The following DHX38 variants were observed in gnomAD, a reference collection of about 807,000 sequenced individuals.
DHX38 encodes the protein DEAH-box helicase 38.
A neutral mutation model predicts 153.1 loss-of-function variants in DHX38; 100 were observed. The ratio of observed to expected loss-of-function variants is 0.65; its 90% CI spans 0.56 to 0.77. DHX38 has a LOEUF of 0.77. Among genes scored for constraint, DHX38 ranks in the 30% least tolerant of loss-of-function variants. The probability of loss-of-function intolerance (pLI) is 0.00; values close to 1 mark genes in which losing one functional copy is unlikely to be tolerated. For missense variants in DHX38, 1,440 were observed against 1,654.0 expected, an observed-to-expected ratio of 0.87 and a Z score of 2.24; for synonymous variants, 650 against 631.7, an observed-to-expected ratio of 1.03 and a Z score of -0.43.
Position 72,098,772 on chromosome 16 carries a change from G to C in DHX38, c.744G>C (p.Leu248=). 3 of 1,614,184 alleles carry C rather than the reference G, an allele frequency of 1.9e-6. No individual in the cohort carries two copies. Among genetic ancestry groups the C allele is most frequent in the South Asian group, 1.1e-5 (1 of 91,082 alleles). Residue 248 remains leucine (L), a synonymous_variant, in exon 5 of 27, where the codon CTG becomes CTC. Transcript: ENST00000268482. ...SYRDSERSHR[L]STRDRDRSVR... is the part of the protein sequence containing the mutation. ...GGGATTCTGAGCGGAGCCATCGGCTGTCCACTCGAGATCGAGACAGGTGAT... is the reference window on the plus strand; with the variant it reads ...GGGATTCTGAGCGGAGCCATCGGCTCTCCACTCGAGATCGAGACAGGTGAT...
rs373264434 is a variant in DHX38 at position 72,103,931 on chromosome 16, C to T, written c.1825-15C>T. The T allele has an allele frequency of 2.0e-5, 32 of 1,612,246 alleles. No homozygotes were observed. The African/African-American group carries it at 4.1e-4, about 21-fold the overall frequency. Reference sequence around the variant, plus strand: ...CCGGTGGCCAGGGCATCTGAGCCATCTCTCTGACCTCCAGGTGGGCTATGC... The same window carrying T: ...CCGGTGGCCAGGGCATCTGAGCCATTTCTCTGACCTCCAGGTGGGCTATGC... On this transcript the variant is annotated splice_polypyrimidine_tract_variant and intron_variant, in intron 13 of 26. Transcript: ENST00000268482.
Position 72,103,178 on chromosome 16 carries a change from T to C in DHX38, c.1604T>C (p.Phe535Ser). 1 of 1,614,168 alleles carries C rather than the reference T, an allele frequency of 6.2e-7. No individual in the cohort carries two copies. Among genetic ancestry groups the C allele is most frequent in the African/African-American group, 1.3e-5 (1 of 75,036 alleles). The change falls in exon 12 of 27, where the codon TTT becomes TCT. Residue 535 changes from phenylalanine (F) to serine (S), a missense_variant. This residue lies in a region of DHX38 where 241 missense variants were observed against 229.5 expected (regional missense o/e 1.05). Transcript: ENST00000268482. Reference sequence around the variant, plus strand: ...GAGCAGAGGCAGTACCTGCCCATCTTTGCAGTGCAGCAGGAGCTGCTCACT... The same window carrying C: ...GAGCAGAGGCAGTACCTGCCCATCTCTGCAGTGCAGCAGGAGCTGCTCACT... ...ILEQRQYLPI[F>S]AVQQELLTII...
intron 7 of DHX38, 73 bp from the exon 8 acceptor site, chr16:72,099,659 T>G: frequency 6.3e-7 from 1 of 1,580,452 alleles, no homozygotes; most frequent in Non-Finnish European, 8.6e-7. Flanking sequence ...AAGCGTCCCT[T>G]CTTCTGTTGG....
At chr16:72,097,054 A>T in intron 3 of DHX38, 45 bp downstream of exon 3, 1 of 1,547,780 alleles carries the variant, frequency 6.5e-7, no homozygotes, top group Non-Finnish European at 8.7e-7. Context: ...GCATTCGAAT[A>T]AATGTGTCAG....
At position 72,105,133 on chromosome 16, in the gene DHX38, T is replaced by A. The variant is rs760947148; in HGVS notation, c.2258T>A (p.Ile753Asn). ...ILIFMPGQEDIEVTSDQIVEH... is the reference protein window; with the variant it reads ...ILIFMPGQEDNEVTSDQIVEH... ...ATCTTCATGCCTGGCCAAGAGGACA[T>A]TGAGGTGCGTGCCTTGGTCACGACT... The change falls in exon 16 of 27, where the codon ATT becomes AAT. Residue 753 changes from isoleucine (I) to asparagine (N), a missense_variant. Physicochemically the swap from Ile to Asn is moderately radical, Grantham distance 149. Coordinates refer to ENST00000268482, the MANE Select transcript of DHX38 (RefSeq NM_014003.4). 4 of 1,614,012 alleles carry A rather than the reference T, an allele frequency of 2.5e-6. No individual in the cohort carries two copies. Among genetic ancestry groups the A allele is most frequent in the Non-Finnish European group, 3.4e-6 (4 of 1,180,002 alleles).
rs1330949329 is a variant in DHX38, at chr16:72,103,857, T to C, written c.1824+69T>C. 5 of 1,597,114 alleles carry C rather than the reference T, an allele frequency of 3.1e-6. No homozygotes were observed. In the East Asian group the frequency reaches 1.1e-4, roughly 36 times the overall value. On this transcript the variant is annotated intron_variant, in intron 13 of 26. Transcript: ENST00000268482. ...GCTTCCACCCATTTTTGCTAAAGGG[T>C]GTGATCTGCTAAGACTCGGACCCCA...
chr16:72,097,308 TAGAG>T, intron 3 of DHX38: 2 of 391,084 alleles, frequency 5.1e-6, no homozygotes, highest in South Asian at 8.0e-5. Context: ...GTATTGGTGA[TAGAG>T]AAAGGACAGT....
Position 72,106,124 on chromosome 16 carries a change from G to A in DHX38, c.2600+7G>A. ...GCCCAGGTCAGTGTTTCAGGTAGGA[G>A]CCCTGTGCTAGCCTGCTTTCTGGGG... On this transcript the variant is annotated splice_region_variant and intron_variant, in intron 19 of 26. Coordinates refer to ENST00000268482, the MANE Select transcript of DHX38 (RefSeq NM_014003.4). 1.2e-6 allele frequency: 2 copies of A among 1,613,878 alleles called. No individual in the cohort carries two copies. The highest frequency in any genetic ancestry group is 1.7e-6 in the Non-Finnish European group (2 of 1,179,906).
chr16:72,107,346 C>T lies in DHX38; in HGVS notation c.2607C>T (p.Tyr869=), dbSNP rs765426278. The T allele has an allele frequency of 3.1e-6, 5 of 1,608,402 alleles. No individual in the cohort carries two copies. The East Asian group carries it at 8.9e-5, about 29-fold the overall frequency. The change falls in exon 20 of 27, where the codon TAC becomes TAT. Residue 869 remains tyrosine (Y), a synonymous_variant. Coordinates refer to ENST00000268482, the MANE Select transcript of DHX38 (RefSeq NM_014003.4). The surrounding 1 kb of genome is among the most constrained non-coding windows in gnomAD (Gnocchi z 5.3). ...GGGGTCTTCTCCCCGGCAGGCTCTA[C>T]ACCCAGAGCGCCTACAAGAATGAGC... ...RTGPGQCFRL[Y]TQSAYKNELL... is the part of the protein sequence containing the mutation.
chr16:72,102,504 A>G (rs1256860566), intron 11 of DHX38, among the ~76,000 whole-genome samples: 1 of 152,148 alleles, frequency 6.6e-6, no homozygotes, highest in Non-Finnish European at 1.5e-5. Flanking sequence ...GGGTGTGTAC[A>G]TGTGTCAGAC....
Position 72,108,224 on chromosome 16 carries a change from T to C in DHX38, c.2965-3T>C, listed in dbSNP as rs750698515. On this transcript the variant is annotated splice_region_variant and splice_polypyrimidine_tract_variant and intron_variant, in intron 21 of 26. Coordinates refer to ENST00000268482, the MANE Select transcript of DHX38 (RefSeq NM_014003.4). Reference sequence around the variant, plus strand: ...AGAGTGAAGGTTCTTTTTCCCTTCCTAGGGTCGAGAGGAGGAGAGTGATCA... The same window carrying C: ...AGAGTGAAGGTTCTTTTTCCCTTCCCAGGGTCGAGAGGAGGAGAGTGATCA... The C allele has an allele frequency of 3.1e-6, 5 of 1,613,876 alleles. No homozygotes were observed. The South Asian group carries it at 3.3e-5, about 11-fold the overall frequency.
In DHX38 at chr16:72,112,437, C is replaced by T; in HGVS notation, c.3624C>T (p.Gly1208=). The T allele has an allele frequency of 6.2e-7, 1 of 1,610,768 alleles. No homozygotes were observed. The highest frequency in any genetic ancestry group is 8.5e-7 in the Non-Finnish European group (1 of 1,179,964). ...GGTCTACGAAGATCTACACTCCAGG[C>T]CGGAAAGAGCAAGGGGAGCCCATGA... The part of the protein sequence containing the change: ...SVRSTKIYTP[G]RKEQGEPMTP... Residue 1208 remains glycine, a synonymous_variant, in exon 27 of 27, where the codon GGC becomes GGT. Coordinates refer to ENST00000268482, the MANE Select transcript of DHX38 (RefSeq NM_014003.4).
chr16:72,103,906 C>A, intron 13 of DHX38, 40 bp from the exon 14 acceptor site: 1 of 1,609,192 alleles, frequency 6.2e-7, no homozygotes, highest in South Asian at 1.1e-5. Flanking sequence ...TGGTGGTGAG[C>A]CGGTGGCCAG....
rs1355904317 is a variant in DHX38, at chr16:72,105,360, G to A, written c.2379+12G>A. The stretch of plus-strand genomic sequence containing the variant: ...AAATCTTCCAGAAGGTGTGTCAGCA[G>A]GAATGTCCAGGAGTGGCTCTTGGAG... On this transcript the variant is annotated intron_variant, in intron 17 of 26. Transcript: ENST00000268482. 1.2e-6 allele frequency: 2 copies of A among 1,613,582 alleles called. No homozygotes were observed. The highest frequency in any genetic ancestry group is 1.7e-6 in the Non-Finnish European group (2 of 1,179,512).
chr16:72,104,229 G>A lies in DHX38; in HGVS notation c.2010+98G>A. 6.8e-7 allele frequency: 1 copy of A among 1,461,286 alleles called. No individual in the cohort carries two copies. The highest frequency in any genetic ancestry group is 9.2e-7 in the Non-Finnish European group (1 of 1,082,106). The allele number at this position is 1,461,286 out of a possible 1,614,324, so 90.5% of individuals were successfully genotyped here. A position where few individuals can be genotyped will look rare whatever the true frequency, so the allele number is the denominator to read the frequency against. On this transcript the variant is annotated intron_variant, in intron 14 of 26. Transcript: ENST00000268482. This position sits in a 1 kb window ranked among gnomAD's most constrained non-coding sequence, Gnocchi z 4.5. The stretch of plus-strand genomic sequence containing the variant: ...CTCCAGGTGGGCTGAGGGGGTCTCT[G>A]GTAGGCCAGAGGTTCCTGAGGCCTC...
chr16:72,099,602 C>T, intron 7 of DHX38, 130 bp from the exon 8 acceptor site: 1 of 1,305,200 alleles, frequency 7.7e-7, no homozygotes, highest in Non-Finnish European at 1.1e-6. Context: ...GAGGCCTCTC[C>T]TGCACCCCTC....
chr16:72,102,937 A>G (rs1374725293), intron 11 of DHX38, 137 bp from the exon 12 acceptor site: 1 of 1,249,740 alleles, frequency 8.0e-7, no homozygotes, highest in Non-Finnish European at 1.1e-6. Context: ...GAACCATCTC[A>G]GATTCCCTGG....
Position 72,103,723 on chromosome 16 carries a change from C to T in DHX38, c.1759C>T (p.Arg587Cys). The part of the protein sequence containing the change: ...YGMIGCTQPR[R>C]VAAMSVAKRV... ...GATGATTGGGTGTACCCAGCCCCGG[C>T]GTGTAGCTGCCATGTCAGTGGCCAA... is the stretch of plus-strand genomic sequence containing the variant. The change falls in exon 13 of 27, where the codon CGT becomes TGT. Residue 587 changes from arginine (R) to cysteine (C), a missense_variant. By Grantham distance (180) the Arg-to-Cys change is radical. Transcript: ENST00000268482. 5.0e-6 allele frequency: 8 copies of T among 1,613,940 alleles called. No individual in the cohort carries two copies. Among genetic ancestry groups the T allele is most frequent in the South Asian group, 1.1e-5 (1 of 91,080 alleles).
chr16:72,098,507 T>C (rs1179532433), intron 4 of DHX38, 138 bp from the exon 5 acceptor site: 8 of 1,128,970 alleles, frequency 7.1e-6, no homozygotes, highest in Middle Eastern at 4.1e-4. Context: ...TCAAAACCGA[T>C]CTTAACCGTT....
Sources: gnomAD v4.1 joint callset for allele counts (sites outside exome capture counted in the v4.1 genomes callset) on GRCh38, gnomAD v4.1.1 for gene constraint, gnomAD v4.1.1 regional missense constraint, Gnocchi (gnomAD v3.1) non-coding constraint, MANE v1.5 for transcripts, NCBI Gene and HGNC (gene_info 2026-07-23, HGNC 2026-07-21) for gene names.